CACNB2: variants seen among roughly 807,000 people sequenced by gnomAD.
CACNB2 encodes voltage-dependent L-type calcium channel subunit beta-2.
Under a neutral mutation model 73.3 loss-of-function variants are expected in CACNB2, and 42 were observed. The ratio of observed to expected loss-of-function variants is 0.57; its 90% CI spans 0.45 to 0.74. The LOEUF (loss-of-function observed/expected upper bound fraction) is 0.74, where lower values mean the gene tolerates loss of function less well. CACNB2 is among the 30% of genes least tolerant of loss of function. The pLI is 0.00. For synonymous variants in CACNB2, 348 were observed against 310.3 expected (o/e 1.12, Z -1.28); for missense variants, 940 against 853.0 (o/e 1.10, Z -1.27).
At chr10:18,531,400 T>C (rs2053017616) in intron 10 of CACNB2, among the ~76,000 whole-genome samples, 1 of 152,236 alleles carries the variant, frequency 6.6e-6, no homozygotes, top group South Asian at 2.1e-4. Flanking sequence ...GTTTTCTTTA[T>C]CCACTCCATC....
intron 1 of CACNB2, among the ~76,000 whole-genome samples, chr10:18,150,218 T>C (rs532060415): frequency 6.6e-6 from 1 of 152,342 alleles, no homozygotes; most frequent in Non-Finnish European, 1.5e-5. Flanking sequence ...CCAATCCTAT[T>C]ATCGAAACAA....
At position 18,514,526 on chromosome 10, in the gene CACNB2, A is replaced by T. The variant is rs760834255; in HGVS notation, c.804+157A>T. On this transcript the variant is annotated intron_variant, in intron 7 of 13. Transcript: ENST00000324631. ...GCTGCTGTAGCTAAGCAGAAGCAGA[A>T]ATCGGTAAGTTTACATTGACATAAG... 4.0e-5 allele frequency: 64 copies of T among 1,613,810 alleles called. No individual in the cohort carries two copies. In the Admixed American group the frequency reaches 9.8e-4, roughly 25 times the overall value.
At position 18,437,414 on chromosome 10, in the gene CACNB2, T is replaced by C. The variant is rs7918899; in HGVS notation, c.333+35371T>C. 2.7e-3 allele frequency among the ~76,000 whole-genome samples: 404 copies of C among 152,322 alleles called. 2 individuals carry two copies. The highest frequency in any genetic ancestry group is 0.014 in the Middle Eastern group (4 of 294). ...TGACTCCTAAAAAAACCAAATAGCG[T>C]ATCGTTGACCCAAAGCTTTACCAAT... On this transcript the variant is annotated intron_variant, in intron 3 of 13. Coordinates refer to ENST00000324631, the MANE Select transcript of CACNB2 (RefSeq NM_201596.3).
Position 18,535,807 on chromosome 10 carries a change from G to A in CACNB2, c.1207-294G>A, listed in dbSNP as rs116957158. Reference sequence around the variant, plus strand: ...TATATATATATTTTAACATGTATCAGATTTATTGTGAATTTTTAAATAAAT... The same window carrying A: ...TATATATATATTTTAACATGTATCAAATTTATTGTGAATTTTTAAATAAAT... On this transcript the variant is annotated intron_variant, in intron 11 of 13. Coordinates refer to ENST00000324631, the MANE Select transcript of CACNB2 (RefSeq NM_201596.3). 0.016 allele frequency among the ~76,000 whole-genome samples: 2,376 copies of A among 151,992 alleles called. 40 individuals are homozygous for A. The highest frequency in any genetic ancestry group is 0.037 in the Middle Eastern group (11 of 294).
In CACNB2 at chr10:18,539,253, T is replaced by A. The variant is rs748909992; in HGVS notation, c.1512T>A (p.Thr504=). 6.2e-7 allele frequency: 1 copy of A among 1,614,034 alleles called. No individual in the cohort carries two copies. Among genetic ancestry groups the A allele is most frequent in the South Asian group, 1.1e-5 (1 of 91,068 alleles). The part of the protein sequence containing the change: ...NSQGSQGDQR[T]DRSAPIRSAS... ...AGGGTTCTCAAGGTGATCAGAGGACTGATCGCTCCGCTCCTATCCGTTCTG... is the reference window on the plus strand; with the variant it reads ...AGGGTTCTCAAGGTGATCAGAGGACAGATCGCTCCGCTCCTATCCGTTCTG... Residue 504 remains threonine (T), a synonymous_variant, in exon 14 of 14, where the codon ACT becomes ACA. Coordinates refer to ENST00000324631, the MANE Select transcript of CACNB2 (RefSeq NM_201596.3).
chr10:18,401,290 G>A (rs1179556089), intron 2 of CACNB2, among the ~76,000 whole-genome samples: 4 of 152,164 alleles, frequency 2.6e-5, no homozygotes, highest in Non-Finnish European at 5.9e-5. Context: ...TGCCAGATGA[G>A]CTATCCCAGG....
At chr10:18,261,837 A>C in intron 2 of CACNB2, 1 of 469,204 alleles carries the variant, frequency 2.1e-6, no homozygotes. Flanking sequence ...CTTTCACTGA[A>C]ATAGCCCTTA....
At chr10:18,382,091 C>A (rs1475501175) in intron 2 of CACNB2, among the ~76,000 whole-genome samples, 1 of 151,914 alleles carries the variant, frequency 6.6e-6, no homozygotes, top group African/African-American at 2.4e-5. Flanking sequence ...ATATGGTGGA[C>A]CTCTGATGTT....
chr10:18,479,160 A>C (rs2048590338), intron 3 of CACNB2, among the ~76,000 whole-genome samples: 1 of 152,188 alleles, frequency 6.6e-6, no homozygotes, highest in Non-Finnish European at 1.5e-5. Flanking sequence ...ATATATACAC[A>C]TATCTGTGTG....
At chr10:18,176,169 C>T (rs1274173314) in intron 2 of CACNB2, among the ~76,000 whole-genome samples, 1 of 152,054 alleles carries the variant, frequency 6.6e-6, no homozygotes, top group Admixed American at 6.6e-5. Flanking sequence ...ACAATTGTAC[C>T]AGTGCATATT....
chr10:18,196,520 G>A (rs1423720556), intron 2 of CACNB2, among the ~76,000 whole-genome samples: 1 of 152,008 alleles, frequency 6.6e-6, no homozygotes, highest in Non-Finnish European at 1.5e-5. Flanking sequence ...GCTTTGCCAT[G>A]TTCCCCAGGC....
chr10:18,438,336 G>A (rs150619868), intron 3 of CACNB2, among the ~76,000 whole-genome samples: 1,734 of 152,084 alleles, frequency 0.011, 38 homozygotes, highest in African/African-American at 0.04. Context: ...GCCCCCAGTT[G>A]GATTTTTATT....
intron 3 of CACNB2, among the ~76,000 whole-genome samples, chr10:18,438,281 G>A (rs945834030): frequency 6.8e-6 from 1 of 147,170 alleles, no homozygotes. Context: ...CGCCCGCCTC[G>A]GCCTCCCAAA....
At chr10:18,531,535 G>A (rs2053030496) in intron 10 of CACNB2, among the ~76,000 whole-genome samples, 1 of 152,154 alleles carries the variant, frequency 6.6e-6, no homozygotes, top group Non-Finnish European at 1.5e-5. Flanking sequence ...GCCAGTAGTG[G>A]GATTGCTGGG....
chr10:18,495,776 AAT>A (rs2049775069), intron 3 of CACNB2, among the ~76,000 whole-genome samples: 1 of 151,998 alleles, frequency 6.6e-6, no homozygotes, highest in Admixed American at 6.6e-5. Context: ...GATGAAATGC[AAT>A]ATGTTATGAT....
chr10:18,501,693 C>A (rs145291619), intron 5 of CACNB2, among the ~76,000 whole-genome samples: 1 of 152,200 alleles, frequency 6.6e-6, no homozygotes, highest in Non-Finnish European at 1.5e-5. Context: ...AAATACGAAT[C>A]GCTGGATTTC....
chr10:18,360,484 A>G (rs1227074681), intron 2 of CACNB2, among the ~76,000 whole-genome samples: 1 of 152,162 alleles, frequency 6.6e-6, no homozygotes, highest in Non-Finnish European at 1.5e-5. Flanking sequence ...TCAGCCTCAC[A>G]AAGTGCTGGG....
At chr10:18,152,723 A>AAAAAC (rs2031681806) in intron 2 of CACNB2, among the ~76,000 whole-genome samples, 3 of 131,508 alleles carry the variant, frequency 2.3e-5, no homozygotes, top group Non-Finnish European at 4.7e-5. Flanking sequence ...AAAAAAAAAA[A>AAAAAC]AAAAAAAAAC....
intron 2 of CACNB2, among the ~76,000 whole-genome samples, chr10:18,372,789 C>G (rs1487675836): frequency 6.6e-6 from 1 of 152,178 alleles, no homozygotes; most frequent in Non-Finnish European, 1.5e-5. Flanking sequence ...CTGCACTTTA[C>G]TGTCTTCATC....
Sources: allele counts gnomAD v4.1 joint callset (sites outside exome capture counted in the v4.1 genomes callset), GRCh38; gene constraint gnomAD v4.1.1; transcripts MANE v1.5; gene names NCBI Gene and HGNC (gene_info 2026-07-23, HGNC 2026-07-21).